NME7: variants seen among roughly 807,000 people sequenced by gnomAD.
NME7 encodes nucleoside diphosphate kinase 7.
A neutral mutation model predicts 49.1 loss-of-function variants in NME7; 41 were observed. The observed-to-expected ratio is 0.83, with a 90% CI of 0.65 to 1.08. The LOEUF (loss-of-function observed/expected upper bound fraction) is 1.08, where lower values mean the gene tolerates loss of function less well. Among genes scored for constraint, NME7 ranks in the 50% least tolerant of loss-of-function variants. The pLI, the probability that NME7 is intolerant of heterozygous loss-of-function variation, is 0.00. For missense variants in NME7, 423 were observed against 463.4 expected (o/e 0.91, Z 0.80); for synonymous variants, 139 against 150.6 (o/e 0.92, Z 0.56).
intron 10 of NME7, among the ~76,000 whole-genome samples, chr1:169,223,760 T>C (rs1661214323): frequency 6.6e-6 from 1 of 151,980 alleles, no homozygotes; most frequent in South Asian, 2.1e-4. Flanking sequence ...GGAATATGTG[T>C]ATGGGAATAC....
intron 7 of NME7, among the ~76,000 whole-genome samples, chr1:169,252,492 T>G (rs1393038740): frequency 2.6e-5 from 4 of 152,024 alleles, no homozygotes; most frequent in African/African-American, 7.2e-5. Flanking sequence ...TTGCGAAAAT[T>G]TTCTCCCATT....
Position 169,258,766 on chromosome 1 carries a change from C to T in NME7, c.755-21079G>A, listed in dbSNP as rs540276646. 4.5e-5 allele frequency among the ~76,000 whole-genome samples: 6 copies of T among 133,056 alleles called. 3 individuals are homozygous for T. The highest frequency in any genetic ancestry group is 1.5e-4 in the African/African-American group (6 of 39,420). 87.3% of individuals were successfully genotyped at this position (133,056 alleles called of 152,430 possible). A position where few individuals can be genotyped will look rare whatever the true frequency, so the allele number is the denominator to read the frequency against. Reference sequence around the variant, plus strand: ...TGGGCCTCCATTTTCTTCTGTTATTCCCCAGCATGGTTCTATAGATAGGTA... The same window carrying T: ...TGGGCCTCCATTTTCTTCTGTTATTTCCCAGCATGGTTCTATAGATAGGTA... On this transcript the variant is annotated intron_variant, in intron 7 of 11. Transcript: ENST00000367811.
intron 11 of NME7, among the ~76,000 whole-genome samples, chr1:169,162,692 T>A (rs1023499258): frequency 6.6e-6 from 1 of 151,772 alleles, no homozygotes; most frequent in Non-Finnish European, 1.5e-5. Context: ...AAAAAAAAAT[T>A]ATTTGGGCAT....
At chr1:169,227,852 A>G (rs556019594) in intron 10 of NME7, among the ~76,000 whole-genome samples, 30 of 152,284 alleles carry the variant, frequency 2.0e-4, no homozygotes, top group Admixed American at 4.6e-4. Context: ...GCTAAGTGCT[A>G]TATTTCTGGG....
At chr1:169,209,896 CA>C (rs1364141435) in intron 10 of NME7, among the ~76,000 whole-genome samples, 5 of 152,230 alleles carry the variant, frequency 3.3e-5, no homozygotes, top group African/African-American at 1.2e-4. Context: ...GAAAATCTTT[CA>C]GGAATTCCTC....
At chr1:169,357,518 A>G (rs2101985765) in intron 1 of NME7, among the ~76,000 whole-genome samples, 1 of 152,212 alleles carries the variant, frequency 6.6e-6, no homozygotes, top group South Asian at 2.1e-4. Context: ...ATGCTAGAAA[A>G]AGTGATCATA....
At chr1:169,313,556 T>C (rs1463056904) in intron 3 of NME7, among the ~76,000 whole-genome samples, 1 of 152,176 alleles carries the variant, frequency 6.6e-6, no homozygotes, top group Non-Finnish European at 1.5e-5. Flanking sequence ...AGGAAAGTAA[T>C]GTCATCCTGT....
At chr1:169,320,311 G>A (rs2101933375) in intron 3 of NME7, among the ~76,000 whole-genome samples, 1 of 152,288 alleles carries the variant, frequency 6.6e-6, no homozygotes, top group East Asian at 1.9e-4. Context: ...GATTTCTACA[G>A]TCAAAGGGAA....
rs907950541 is a variant in NME7, at chr1:169,263,964, G to A, written c.754+23339C>T. On this transcript the variant is annotated intron_variant, in intron 7 of 11. Transcript: ENST00000367811. ...CTATATGCAACATTCTTTAAGAAAA[G>A]GAATTCCAACCAAAAATTTCATATC... Among the ~76,000 whole-genome samples, 8 of 133,434 alleles carry A rather than the reference G, an allele frequency of 6.0e-5. 1 individual carries two copies. Among genetic ancestry groups the A allele is most frequent in the African/African-American group, 2.0e-4 (8 of 39,472 alleles). 87.5% of individuals were successfully genotyped at this position (133,434 alleles called of 152,430 possible). A position where few individuals can be genotyped will look rare whatever the true frequency, so the allele number is the denominator to read the frequency against.
chr1:169,287,133 G>A lies in NME7; in HGVS notation c.754+170C>T, dbSNP rs1398894519. On this transcript the variant is annotated intron_variant, in intron 7 of 11. Coordinates refer to ENST00000367811, the MANE Select transcript of NME7 (RefSeq NM_013330.5). ...AATCCACAAAGAAAAGACAAATAGA[G>A]ATTTAGACAGATTTTCCCTTATATT... The A allele has an allele frequency of 2.1e-5, 12 of 582,580 alleles. No individual in the cohort carries two copies. The East Asian group carries it at 3.8e-4, about 18-fold the overall frequency. The allele number at this position is 582,580 out of a possible 1,614,324, so 36.1% of individuals were successfully genotyped here.
At chr1:169,288,628 G>C (rs187158125) in intron 6 of NME7, among the ~76,000 whole-genome samples, 84 of 152,242 alleles carry the variant, frequency 5.5e-4, no homozygotes, top group African/African-American at 1.9e-3. Flanking sequence ...TTAAACACAA[G>C]GATGATGAGG....
intron 3 of NME7, among the ~76,000 whole-genome samples, chr1:169,315,810 A>G (rs1221671367): frequency 6.6e-6 from 1 of 152,212 alleles, no homozygotes; most frequent in Non-Finnish European, 1.5e-5. Context: ...TTCAAACTGA[A>G]TAAAAATTAC....
chr1:169,357,343 G>T (rs906635166), intron 1 of NME7, among the ~76,000 whole-genome samples: 4 of 151,932 alleles, frequency 2.6e-5, no homozygotes, highest in African/African-American at 7.3e-5. Flanking sequence ...CCAAAAGTGG[G>T]CAGAAAGATG....
At chr1:169,180,347 C>T (rs1659889844) in intron 10 of NME7, among the ~76,000 whole-genome samples, 1 of 152,150 alleles carries the variant, frequency 6.6e-6, no homozygotes, top group South Asian at 2.1e-4. Context: ...ACAGGAATCC[C>T]ACAAATCCCC....
rs545742447 is a variant in NME7, at chr1:169,265,695, G to GT, written c.754+21607dup. On this transcript the variant is annotated intron_variant, in intron 7 of 11. Coordinates refer to ENST00000367811, the MANE Select transcript of NME7 (RefSeq NM_013330.5). ...CAAAAGGTTAATGAATCCAGGAGTTGTTTTTTTTTTTAAAGTAAGATAAAT... is the reference window on the plus strand; with the variant it reads ...CAAAAGGTTAATGAATCCAGGAGTTGTTTTTTTTTTTTAAAGTAAGATAAAT... Among the ~76,000 whole-genome samples the GT allele has an allele frequency of 1.1e-3, 136 of 120,152 alleles. 14 individuals carry two copies. In the South Asian group the frequency reaches 0.014, roughly 12 times the overall value. 78.8% of individuals were successfully genotyped at this position (120,152 alleles called of 152,430 possible).
intron 7 of NME7, among the ~76,000 whole-genome samples, chr1:169,241,738 A>G (rs1166608306): frequency 6.6e-6 from 1 of 151,826 alleles, no homozygotes; most frequent in African/African-American, 2.4e-5. Context: ...TAAAAATCAC[A>G]TTTTCAAATA....
chr1:169,305,183 T>G (rs1476937377), intron 4 of NME7, among the ~76,000 whole-genome samples: 1 of 152,248 alleles, frequency 6.6e-6, no homozygotes, highest in African/African-American at 2.4e-5. Context: ...CATTCTTATC[T>G]AATTCTTTGC....
chr1:169,333,365 AT>A (rs1279738242), intron 1 of NME7, among the ~76,000 whole-genome samples: 3 of 152,178 alleles, frequency 2.0e-5, no homozygotes, highest in Non-Finnish European at 4.4e-5. Flanking sequence ...TACAAAAAAA[AT>A]AAAATTAAAA....
intron 7 of NME7, among the ~76,000 whole-genome samples, chr1:169,278,917 C>T (rs1649871675): frequency 6.6e-6 from 1 of 152,160 alleles, no homozygotes; most frequent in Non-Finnish European, 1.5e-5. Context: ...GGACCCTCCG[C>T]TGCAGGTCTG....
Sources: gnomAD v4.1 joint callset for allele counts (sites outside exome capture counted in the v4.1 genomes callset) on GRCh38, gnomAD v4.1.1 for gene constraint, MANE v1.5 for transcripts, NCBI Gene and HGNC (gene_info 2026-07-23, HGNC 2026-07-21) for gene names.